Variants in SUSD5 observed in about 807,000 individuals in gnomAD.
The protein encoded by SUSD5 is sushi domain containing 5.
SUSD5 carries 33 observed loss-of-function variants against 29.5 expected under a neutral mutation model. The observed-to-expected ratio is 1.12, with a 90% CI of 0.85 to 1.49. The LOEUF (loss-of-function observed/expected upper bound fraction) is 1.49, where lower values mean the gene tolerates loss of function less well. Among genes scored for constraint, SUSD5 ranks in the 40% most tolerant of loss-of-function variants. The probability of loss-of-function intolerance (pLI) is 0.00; values close to 1 mark genes in which losing one functional copy is unlikely to be tolerated. For missense variants in SUSD5, 776 were observed against 800.6 expected (o/e 0.97, Z 0.37); for synonymous variants, 308 against 325.3 (o/e 0.95, Z 0.57).
chr3:33,162,164 C>CTTATGTATGAGATTAA (rs2031203166), intron 4 of SUSD5, among the ~76,000 whole-genome samples: 1 of 152,084 alleles, frequency 6.6e-6, no homozygotes, highest in South Asian at 2.1e-4. Context: ...TAAAAATTCC[C>CTTATGTATGAGATTAA]CTATGTATAG....
At chr3:33,175,482 C>T (rs912331974) in intron 3 of SUSD5, among the ~76,000 whole-genome samples, 1 of 151,896 alleles carries the variant, frequency 6.6e-6, no homozygotes, top group African/African-American at 2.4e-5. Context: ...TATCTTTCCC[C>T]CCTTCCCCGC....
At chr3:33,169,922 TTTC>T (rs1350367201) in intron 4 of SUSD5, among the ~76,000 whole-genome samples, 2 of 139,736 alleles carry the variant, frequency 1.4e-5, no homozygotes, top group South Asian at 2.3e-4. Flanking sequence ...CTTTTCTTTC[TTTC>T]TTTTTTTTTT....
rs536262801 is a variant in SUSD5 at position 33,186,571 on chromosome 3, C to T, written c.410-11497G>A. Reference sequence around the variant, plus strand: ...CCTCCTGAGCAGCTGGGACTACAGGCGCGTGCCACCATGCCCAGCTAATTT... The same window carrying T: ...CCTCCTGAGCAGCTGGGACTACAGGTGCGTGCCACCATGCCCAGCTAATTT... On this transcript the variant is annotated intron_variant, in intron 3 of 4. Transcript: ENST00000309558. 3.4e-3 allele frequency among the ~76,000 whole-genome samples: 511 copies of T among 151,766 alleles called. 4 individuals carry two copies. The highest frequency in any genetic ancestry group is 0.014 in the Middle Eastern group (4 of 288).
At position 33,153,764 on chromosome 3, in the gene SUSD5, G is replaced by A; in HGVS notation, c.868C>T (p.Gln290Ter). The change falls in exon 5 of 5, where the codon CAG becomes TAG. Residue 290 changes from glutamine to a stop codon, truncating the protein, a stop_gained. Coordinates refer to ENST00000309558, the MANE Select transcript of SUSD5 (RefSeq NM_015551.2). LOFTEE classifies it low-confidence loss of function (END_TRUNC). The part of the protein sequence containing the change: ...PADSPGSRLL[Q>*]KHLFWFPAEA... ...GCAGGAAACCAGAACAAGTGCTTCT[G>A]GAGCAGCCGTGATCCTGGTGAATCT... is the stretch of plus-strand genomic sequence containing the variant. 6.2e-7 allele frequency: 1 copy of A among 1,614,036 alleles called. No individual in the cohort carries two copies. The highest frequency in any genetic ancestry group is 2.2e-5 in the East Asian group (1 of 44,884).
chr3:33,176,918 A>G (rs952070203), intron 3 of SUSD5, among the ~76,000 whole-genome samples: 3 of 152,148 alleles, frequency 2.0e-5, no homozygotes, highest in African/African-American at 7.2e-5. Context: ...ATGTGGGTCT[A>G]TTTCTGGGCT....
At chr3:33,195,474 T>C (rs1457166719) in intron 3 of SUSD5, among the ~76,000 whole-genome samples, 1 of 152,112 alleles carries the variant, frequency 6.6e-6, no homozygotes, top group East Asian at 1.9e-4. Flanking sequence ...CAGTGCACAA[T>C]AGACAAGGTC....
At chr3:33,188,601 G>T (rs1243129286) in intron 3 of SUSD5, among the ~76,000 whole-genome samples, 1 of 152,122 alleles carries the variant, frequency 6.6e-6, no homozygotes, top group Non-Finnish European at 1.5e-5. Flanking sequence ...TGAGACTGCT[G>T]GTACAAGGAC....
In SUSD5 at chr3:33,150,909, T is replaced by G. The variant is rs1019140145; in HGVS notation, c.*1833A>C. ...AAAATAAATGTGTTGCATTCATCAC[T>G]TTTTACCACTGATAACTATTTCTAA... On this transcript the variant is annotated 3_prime_UTR_variant, in exon 5 of 5. Coordinates refer to ENST00000309558, the MANE Select transcript of SUSD5 (RefSeq NM_015551.2). 1 of 152,360 alleles carries G rather than the reference T, an allele frequency of 6.6e-6. No homozygotes were observed. Among genetic ancestry groups the G allele is most frequent in the Non-Finnish European group, 1.5e-5 (1 of 68,042 alleles). The allele number at this position is 152,360 out of a possible 1,614,324, so 9.4% of individuals were successfully genotyped here.
chr3:33,206,254 A>T (rs1259917571), intron 3 of SUSD5, among the ~76,000 whole-genome samples: 1 of 152,030 alleles, frequency 6.6e-6, no homozygotes, highest in Non-Finnish European at 1.5e-5. Context: ...GGCGCCTGTA[A>T]TCCTAGCTAC....
At chr3:33,183,889 G>T (rs916728452) in intron 3 of SUSD5, among the ~76,000 whole-genome samples, 2 of 141,670 alleles carry the variant, frequency 1.4e-5, no homozygotes. Flanking sequence ...AGGTTAATGG[G>T]GTTTTTTTTC....
intron 1 of SUSD5, 50 bp from the exon 2 acceptor site, chr3:33,214,155 G>C (rs2125634560): frequency 6.6e-7 from 1 of 1,524,354 alleles, no homozygotes. Flanking sequence ...TCCATGGGAA[G>C]TTAGTCTCAG....
intron 4 of SUSD5, 38 bp downstream of exon 4, chr3:33,174,848 G>A (rs779247720): frequency 1.1e-5 from 17 of 1,607,782 alleles, no homozygotes; most frequent in Middle Eastern, 3.3e-4. Flanking sequence ...CCAGCACTGC[G>A]TGGGCACGCG....
At chr3:33,161,162 T>C (rs979817719) in intron 4 of SUSD5, among the ~76,000 whole-genome samples, 5 of 152,208 alleles carry the variant, frequency 3.3e-5, no homozygotes, top group African/African-American at 1.2e-4. Flanking sequence ...TAAGTGAATG[T>C]TGACTGCATA....
chr3:33,195,850 T>C (rs1372406671), intron 3 of SUSD5, among the ~76,000 whole-genome samples: 1 of 152,110 alleles, frequency 6.6e-6, no homozygotes, highest in East Asian at 1.9e-4. Context: ...CTAAAATACT[T>C]GTATTAGGGA....
intron 3 of SUSD5, among the ~76,000 whole-genome samples, chr3:33,199,597 T>C (rs2032071176): frequency 6.6e-6 from 1 of 152,186 alleles, no homozygotes; most frequent in Non-Finnish European, 1.5e-5. Context: ...AAAGAATAAA[T>C]TGGATTATAC....
Position 33,153,497 on chromosome 3 carries a change from C to T in SUSD5, c.1135G>A (p.Gly379Arg), listed in dbSNP as rs1280808156. 1.9e-6 allele frequency: 3 copies of T among 1,614,044 alleles called. No individual in the cohort carries two copies. Among genetic ancestry groups the T allele is most frequent in the Non-Finnish European group, 1.7e-6 (2 of 1,179,990 alleles). The change falls in exon 5 of 5, where the codon GGG becomes AGG. Residue 379 changes from glycine to arginine, a missense_variant. Coordinates refer to ENST00000309558, the MANE Select transcript of SUSD5 (RefSeq NM_015551.2). The stretch of plus-strand genomic sequence containing the variant: ...TCTGCCTCTGTCTTCCTCCAAGCCC[C>T]CTCTGTCACAGGGTAGCCATCTAAC... ...SWLDGYPVTE[G>R]AWRKTEAEEE...
In SUSD5 at chr3:33,152,809, T is replaced by C. The variant is rs1218324485; in HGVS notation, c.1823A>G (p.Tyr608Cys). ...CTGCCGCTGGCCAACATTCAGCTTG[T>C]ACACAGAGCTCTTGTGCTGGCACTT... ...YRKCQHKSSVYKLNVGQRQAR... is the reference protein window; with the variant it reads ...YRKCQHKSSVCKLNVGQRQAR... Residue 608 changes from tyrosine (Y) to cysteine (C), a missense_variant, in exon 5 of 5, where the codon TAC (tyrosine) becomes TGC (cysteine). Tyr to Cys is a radical substitution (Grantham distance 194, BLOSUM62 -2). Coordinates refer to ENST00000309558, the MANE Select transcript of SUSD5 (RefSeq NM_015551.2). 2.5e-6 allele frequency: 4 copies of C among 1,614,008 alleles called. No homozygotes were observed. Among genetic ancestry groups the C allele is most frequent in the Non-Finnish European group, 2.5e-6 (3 of 1,179,890 alleles).
intron 4 of SUSD5, among the ~76,000 whole-genome samples, chr3:33,161,785 T>C (rs1340516618): frequency 1.3e-5 from 2 of 152,158 alleles, no homozygotes; most frequent in Admixed American, 6.5e-5. Context: ...ACCTGGAAGA[T>C]ATCAAATTTT....
At chr3:33,177,393 A>C (rs977718108) in intron 3 of SUSD5, among the ~76,000 whole-genome samples, 13 of 152,172 alleles carry the variant, frequency 8.5e-5, no homozygotes, top group African/African-American at 3.1e-4. Context: ...ATTTCATCAG[A>C]GTTTTACAGT....
Sources: gnomAD v4.1 joint callset for allele counts (sites outside exome capture counted in the v4.1 genomes callset) on GRCh38, gnomAD v4.1.1 for gene constraint, MANE v1.5 for transcripts, NCBI Gene and HGNC (gene_info 2026-07-23, HGNC 2026-07-21) for gene names.